The following FMN2 variants were observed in gnomAD, a reference collection of about 807,000 sequenced individuals.
FMN2 encodes the protein formin 2, also known as formin-2.
A neutral mutation model predicts 142.3 loss-of-function variants in FMN2; 51 were observed. That is an observed-to-expected ratio of 0.36 (90% confidence interval 0.29 to 0.45). FMN2 has a LOEUF of 0.45. Ranked by LOEUF, FMN2 falls within the 20% of genes least tolerant of loss-of-function variation. FMN2 has a pLI of 1.00. For synonymous variants in FMN2, 882 were observed against 869.8 expected (o/e 1.01, Z -0.25); for missense variants, 1,936 against 2,122.8 (o/e 0.91, Z 1.73).
intron 8 of FMN2, among the ~76,000 whole-genome samples, chr1:240,296,176 GC>G (rs1272044365): frequency 6.7e-6 from 1 of 148,512 alleles, no homozygotes; most frequent in Non-Finnish European, 1.5e-5. Context: ...AGGACATTTA[GC>G]TTTTGTTATG....
chr1:240,143,038 G>C, intron 2 of FMN2: 1 of 1,491,336 alleles, frequency 6.7e-7, no homozygotes, highest in East Asian at 2.3e-5. Context: ...CTCATAAGCT[G>C]CCAGTCACTG....
At chr1:240,120,074 T>C (rs140150980) in intron 1 of FMN2, among the ~76,000 whole-genome samples, 1 of 152,372 alleles carries the variant, frequency 6.6e-6, no homozygotes, top group Admixed American at 6.5e-5. Flanking sequence ...TGTTCTCTAA[T>C]GACCAGAAGA....
At chr1:240,410,263 C>G (rs1008134914) in intron 15 of FMN2, among the ~76,000 whole-genome samples, 3 of 152,044 alleles carry the variant, frequency 2.0e-5, no homozygotes, top group African/African-American at 7.2e-5. Flanking sequence ...TTAATTCCAT[C>G]CAAAAATATA....
At chr1:240,421,614 T>C (rs1674764935) in intron 15 of FMN2, among the ~76,000 whole-genome samples, 1 of 152,186 alleles carries the variant, frequency 6.6e-6, no homozygotes, top group Non-Finnish European at 1.5e-5. Flanking sequence ...TATATTTGTT[T>C]TGTGGGGGGT....
chr1:240,147,508 T>C lies in FMN2; in HGVS notation c.1782+24163T>C, dbSNP rs1384802115. On this transcript the variant is annotated intron_variant, in intron 2 of 17. Coordinates refer to ENST00000319653, the MANE Select transcript of FMN2 (RefSeq NM_020066.5). ...AAAAGAGTGATTTTTTTTTTCTTTT[T>C]AAAAGATAGGATTTCTCTCTGTCAC... Among the ~76,000 whole-genome samples the C allele has an allele frequency of 3.3e-5, 5 of 152,092 alleles. No homozygotes were observed. The East Asian group carries it at 9.6e-4, about 29-fold the overall frequency.
intron 15 of FMN2, among the ~76,000 whole-genome samples, chr1:240,402,178 G>T (rs1674015868): frequency 6.6e-6 from 1 of 152,172 alleles, no homozygotes; most frequent in Non-Finnish European, 1.5e-5. Context: ...AAATGGATAA[G>T]CTGAACTTTT....
At chr1:240,346,125 C>T (rs563629733) in intron 13 of FMN2, among the ~76,000 whole-genome samples, 1 of 152,176 alleles carries the variant, frequency 6.6e-6, no homozygotes, top group Non-Finnish European at 1.5e-5. Context: ...TAGACAAGTA[C>T]AGTAGTCTCC....
At chr1:240,384,361 G>T (rs1032666114) in intron 14 of FMN2, among the ~76,000 whole-genome samples, 1 of 152,124 alleles carries the variant, frequency 6.6e-6, no homozygotes, top group Non-Finnish European at 1.5e-5. Flanking sequence ...ACACAGTTCA[G>T]CCTCTTTTGC....
At chr1:240,450,693 T>A (rs1676006407) in intron 16 of FMN2, among the ~76,000 whole-genome samples, 1 of 152,226 alleles carries the variant, frequency 6.6e-6, no homozygotes, top group African/African-American at 2.4e-5. Flanking sequence ...TGTGGCTCCG[T>A]AGCTCATTGA....
intron 5 of FMN2, among the ~76,000 whole-genome samples, chr1:240,209,807 G>A (rs1379224249): frequency 1.3e-4 from 20 of 151,820 alleles, no homozygotes; most frequent in Admixed American, 1.3e-3. Flanking sequence ...GGGAGGCTGA[G>A]GCAGGAGAAT....
intron 11 of FMN2, among the ~76,000 whole-genome samples, chr1:240,332,072 A>G (rs1671394926): frequency 6.6e-6 from 1 of 152,156 alleles, no homozygotes; most frequent in African/African-American, 2.4e-5. Context: ...ACAGATATTC[A>G]TGCAATATTC....
At chr1:240,224,600 C>A (rs149141002) in intron 6 of FMN2, among the ~76,000 whole-genome samples, 7,299 of 152,182 alleles carry the variant, frequency 0.048, 251 homozygotes, top group East Asian at 0.094. Flanking sequence ...GTGTTAAAAT[C>A]TCCCACTATT....
At chr1:240,218,070 G>T (rs1005365597) in intron 6 of FMN2, among the ~76,000 whole-genome samples, 3 of 151,988 alleles carry the variant, frequency 2.0e-5, no homozygotes, top group African/African-American at 7.2e-5. Context: ...GGATCACAAG[G>T]TCAAGAGATC....
At chr1:240,193,046 G>C (rs1161978206) in intron 4 of FMN2, among the ~76,000 whole-genome samples, 4 of 152,134 alleles carry the variant, frequency 2.6e-5, no homozygotes, top group Non-Finnish European at 5.9e-5. Context: ...GATTGTTTTT[G>C]TTTTTCCTTG....
chr1:240,142,475 A>ATATT (rs142700570), intron 2 of FMN2, among the ~76,000 whole-genome samples: 63 of 146,240 alleles, frequency 4.3e-4, no homozygotes, highest in African/African-American at 9.6e-4. Context: ...AAACCTTTTC[A>ATATT]TATTTATTTA....
intron 6 of FMN2, among the ~76,000 whole-genome samples, chr1:240,232,524 C>T (rs1320056991): frequency 6.6e-6 from 1 of 152,122 alleles, no homozygotes; most frequent in Admixed American, 6.5e-5. Flanking sequence ...AGAATACATC[C>T]CTCTTAACTA....
chr1:240,091,986 C>A lies in FMN2; in HGVS notation c.-124C>A. The A allele has an allele frequency of 1.5e-6, 2 of 1,376,132 alleles. No homozygotes were observed. Among genetic ancestry groups the A allele is most frequent in the Non-Finnish European group, 1.9e-6 (2 of 1,072,578 alleles). 85.2% of individuals were successfully genotyped at this position (1,376,132 alleles called of 1,614,324 possible). A position where few individuals can be genotyped will look rare whatever the true frequency, so the allele number is the denominator to read the frequency against. On this transcript the variant is annotated 5_prime_UTR_variant, in exon 1 of 18. Transcript: ENST00000319653. ...GCCGGGCGCGCGTCGGCCTCCCCTC[C>A]CAGCGGCTCCCCCCGCCGCCGCCTG...
intron 7 of FMN2, among the ~76,000 whole-genome samples, chr1:240,259,590 G>A (rs181135233): frequency 6.0e-5 from 9 of 149,246 alleles, no homozygotes; most frequent in African/African-American, 2.0e-4. Flanking sequence ...TGTATTGTCT[G>A]CAAACAGGAT....
At chr1:240,348,224 T>C (rs1228004571) in intron 13 of FMN2, among the ~76,000 whole-genome samples, 1 of 136,706 alleles carries the variant, frequency 7.3e-6, no homozygotes, top group Admixed American at 7.2e-5. Flanking sequence ...TTTTTTTTAC[T>C]TTTTTTTTTT....
Sources: allele counts gnomAD v4.1 joint callset (sites outside exome capture counted in the v4.1 genomes callset), GRCh38; gene constraint gnomAD v4.1.1; transcripts MANE v1.5; gene names NCBI Gene and HGNC (gene_info 2026-07-23, HGNC 2026-07-21).